Variants in NDC80 observed in about 807,000 individuals in gnomAD.
NDC80 encodes the protein NDC80 kinetochore complex component.
Under a neutral mutation model 89.3 loss-of-function variants are expected in NDC80, and 69 were observed. The ratio of observed to expected loss-of-function variants is 0.77; its 90% CI spans 0.64 to 0.94. The LOEUF is 0.94. Ranked by LOEUF, NDC80 falls within the 40% of genes least tolerant of loss-of-function variation. The pLI is 0.00. For synonymous variants in NDC80, 243 were observed against 255.6 expected (o/e 0.95, Z 0.47); for missense variants, 593 against 739.6 (o/e 0.80, Z 2.30).
intron 1 of NDC80, 149 bp from the exon 2 acceptor site, chr18:2,572,828 A>C: frequency 1.6e-6 from 1 of 612,498 alleles, no homozygotes; most frequent in Non-Finnish European, 2.9e-6. Flanking sequence ...TTCAGTGTAC[A>C]TGAACAAAAA....
At chr18:2,614,453 A>AGAGAGAG (rs1194290545) in intron 16 of NDC80, 2 of 5,906 alleles carry the variant, frequency 3.4e-4, no homozygotes, top group Admixed American at 3.4e-3. Flanking sequence ...GAAAGAAAGA[A>AGAGAGAG]AGAAAGAAAG....
In NDC80 at chr18:2,578,154, C is replaced by T. The variant is rs1378253825; in HGVS notation, c.476+13C>T. The T allele has an allele frequency of 3.1e-6, 5 of 1,607,610 alleles. No individual in the cohort carries two copies. The African/African-American group carries it at 5.4e-5, about 17-fold the overall frequency. Reference sequence around the variant, plus strand: ...TTAAAGACCTTGGGTATGTATATTTCTTATTAGTTTAGAGACATGACTGGC... The same window carrying T: ...TTAAAGACCTTGGGTATGTATATTTTTTATTAGTTTAGAGACATGACTGGC... On this transcript the variant is annotated intron_variant, in intron 5 of 16. Transcript: ENST00000261597.
At chr18:2,574,960 T>TA (rs1185242088) in intron 2 of NDC80, 29 bp from the exon 3 acceptor site, 13 of 1,421,670 alleles carry the variant, frequency 9.1e-6, no homozygotes, top group Non-Finnish European at 1.3e-5. Context: ...ATTTTTATTT[T>TA]AAAGAGTTGT....
chr18:2,572,946 T>A (rs763206365), intron 1 of NDC80, 31 bp from the exon 2 acceptor site: 2 of 1,569,708 alleles, frequency 1.3e-6, no homozygotes, highest in East Asian at 2.2e-5. Flanking sequence ...GTCTGGAAAG[T>A]TTTTTTTAAA....
At chr18:2,602,373 G>T (rs537373757) in intron 13 of NDC80, among the ~76,000 whole-genome samples, 2 of 152,112 alleles carry the variant, frequency 1.3e-5, no homozygotes, top group East Asian at 3.9e-4. Context: ...AGAAAAATTT[G>T]TAACATTAGA....
intron 3 of NDC80, 61 bp downstream of exon 3, chr18:2,575,127 C>A: frequency 8.4e-7 from 1 of 1,184,512 alleles, no homozygotes; most frequent in Non-Finnish European, 1.2e-6. Flanking sequence ...TTGTTGCCCT[C>A]AGAGAACAAA....
intron 12 of NDC80, 139 bp downstream of exon 12, chr18:2,599,310 A>G (rs541774963): frequency 3.2e-4 from 219 of 688,352 alleles, no homozygotes; most frequent in African/African-American, 2.4e-3. Context: ...CTTCTCGGTC[A>G]TAGAAATCTT....
intron 10 of NDC80, 107 bp downstream of exon 10, chr18:2,590,269 T>A: frequency 8.6e-7 from 1 of 1,159,146 alleles, no homozygotes; most frequent in Non-Finnish European, 1.2e-6. Flanking sequence ...TGGTACATGC[T>A]TAGAGCAGGC....
At chr18:2,573,157 T>A in intron 2 of NDC80, 71 bp downstream of exon 2, 1 of 1,251,120 alleles carries the variant, frequency 8.0e-7, no homozygotes, top group Non-Finnish European at 1.1e-6. Context: ...AAGAAATAGT[T>A]AATATAAAGA....
intron 16 of NDC80, among the ~76,000 whole-genome samples, chr18:2,614,099 C>G (rs1416352058): frequency 6.6e-6 from 1 of 152,142 alleles, no homozygotes; most frequent in African/African-American, 2.4e-5. Flanking sequence ...AATGGGAGTT[C>G]TAATTTACTG....
At chr18:2,572,489 C>A (rs556062426) in intron 1 of NDC80, among the ~76,000 whole-genome samples, 1 of 152,266 alleles carries the variant, frequency 6.6e-6, no homozygotes, top group East Asian at 1.9e-4. Context: ...AAGGACAGAG[C>A]AGGAGAGATT....
rs539122894 is a variant in NDC80 at position 2,608,397 on chromosome 18, G to T, written c.1558-303G>T. Among the ~76,000 whole-genome samples, 5 of 151,718 alleles carry T rather than the reference G, an allele frequency of 3.3e-5. No homozygotes were observed. The South Asian group carries it at 1.0e-3, about 32-fold the overall frequency. Reference sequence around the variant, plus strand: ...ATTTTTGTATTTTTAGTAGAGATGGGGTTTCACCTCGCTGGCCAGGCTGGT... The same window carrying T: ...ATTTTTGTATTTTTAGTAGAGATGGTGTTTCACCTCGCTGGCCAGGCTGGT... On this transcript the variant is annotated intron_variant, in intron 14 of 16. Transcript: ENST00000261597.
chr18:2,598,948 A>G, intron 11 of NDC80, 71 bp from the exon 12 acceptor site: 11 of 1,394,036 alleles, frequency 7.9e-6, no homozygotes, highest in Non-Finnish European at 9.5e-6. Flanking sequence ...ATAAAATTTT[A>G]GAAATGTCAA....
At chr18:2,583,084 A>G (rs554457876) in intron 6 of NDC80, among the ~76,000 whole-genome samples, 113 of 152,320 alleles carry the variant, frequency 7.4e-4, no homozygotes, top group African/African-American at 2.5e-3. Context: ...TCACAATATT[A>G]AGAAGTGGTG....
chr18:2,609,825 T>A (rs2072733086), intron 15 of NDC80, among the ~76,000 whole-genome samples: 1 of 152,196 alleles, frequency 6.6e-6, no homozygotes, highest in South Asian at 2.1e-4. Context: ...TGCTTAGATG[T>A]GTGTATTCTT....
intron 15 of NDC80, among the ~76,000 whole-genome samples, chr18:2,609,301 G>A (rs1200602769): frequency 6.6e-6 from 1 of 152,044 alleles, no homozygotes; most frequent in Non-Finnish European, 1.5e-5. Context: ...TAGTTACCAT[G>A]CTGTGCAAAA....
intron 14 of NDC80, among the ~76,000 whole-genome samples, chr18:2,608,056 T>C (rs1260835583): frequency 6.9e-6 from 1 of 144,072 alleles, no homozygotes; most frequent in East Asian, 2.0e-4. Context: ...TGACCAATAA[T>C]GTTGCTGTGA....
chr18:2,581,732 CT>C (rs1038799235), intron 6 of NDC80, among the ~76,000 whole-genome samples: 65 of 152,236 alleles, frequency 4.3e-4, no homozygotes, highest in African/African-American at 1.4e-3. Context: ...TTTCTCTGAT[CT>C]TTTTTTTCTA....
rs1363886831 is a variant in NDC80, at chr18:2,591,754, A to G, written c.1015+1592A>G. ...AATTTTTATAATGCAATTAATCAATACTTTTTTTTTTTTTTTTTGAGATGT... is the reference window on the plus strand; with the variant it reads ...AATTTTTATAATGCAATTAATCAATGCTTTTTTTTTTTTTTTTTGAGATGT... On this transcript the variant is annotated intron_variant, in intron 10 of 16. Transcript: ENST00000261597. Among the ~76,000 whole-genome samples the G allele has an allele frequency of 2.1e-5, 3 of 142,714 alleles. No homozygotes were observed. In the Admixed American group the frequency reaches 2.3e-4, roughly 11 times the overall value. 93.6% of individuals were successfully genotyped at this position (142,714 alleles called of 152,430 possible).
Sources: allele counts gnomAD v4.1 joint callset (sites outside exome capture counted in the v4.1 genomes callset), GRCh38; gene constraint gnomAD v4.1.1; transcripts MANE v1.5; gene names NCBI Gene and HGNC (gene_info 2026-07-23, HGNC 2026-07-21).